The following KCNQ1 variants were observed in gnomAD, a reference collection of about 807,000 sequenced individuals.
The protein encoded by KCNQ1 is potassium voltage-gated channel subfamily KQT member 1.
Under a neutral mutation model 72.4 loss-of-function variants are expected in KCNQ1, and 49 were observed. The observed-to-expected ratio is 0.68, with a 90% CI of 0.54 to 0.86. The LOEUF (loss-of-function observed/expected upper bound fraction) is 0.86. Among genes scored for constraint, KCNQ1 ranks in the 40% least tolerant of loss-of-function variants. The pLI is 0.00. For missense variants in KCNQ1, 790 were observed against 945.1 expected, an observed-to-expected ratio of 0.84 and a Z score of 2.15; for synonymous variants, 450 against 412.6, an observed-to-expected ratio of 1.09 and a Z score of -1.10.
Position 2,592,554 on chromosome 11 carries a change from C to T in KCNQ1, c.1393+3700C>T, listed in dbSNP as rs1395945694. Among the ~76,000 whole-genome samples the T allele has an allele frequency of 6.6e-6, 1 of 152,206 alleles. No individual in the cohort carries two copies. The highest frequency in any genetic ancestry group is 1.5e-5 in the Non-Finnish European group (1 of 68,028). Reference sequence around the variant, plus strand: ...CAGCCACCCAGCCCGAGAGCCAGAGCACAGCAGGGGCTGGCCAGCCTAGCC... The same window carrying T: ...CAGCCACCCAGCCCGAGAGCCAGAGTACAGCAGGGGCTGGCCAGCCTAGCC... On this transcript the variant is annotated intron_variant, in intron 10 of 15. Coordinates refer to ENST00000155840, the MANE Select transcript of KCNQ1 (RefSeq NM_000218.3). This position sits in a 1 kb window ranked among gnomAD's most constrained non-coding sequence, Gnocchi z 5.2.
At chr11:2,637,532 C>A (rs1473159642) in intron 10 of KCNQ1, 1 of 152,174 alleles carries the variant, frequency 6.6e-6, no homozygotes, top group Non-Finnish European at 1.5e-5. Context: ...AGTTTGATTG[C>A]ACTGTGGTCT....
Position 2,830,687 on chromosome 11 carries a change from A to G in KCNQ1, c.1795-17080A>G, listed in dbSNP as rs1029902122. 6.6e-6 allele frequency among the ~76,000 whole-genome samples: 1 copy of G among 151,980 alleles called. No homozygotes were observed. Among genetic ancestry groups the G allele is most frequent in the African/African-American group, 2.4e-5 (1 of 41,404 alleles). ...CCACCCTTCCACTCACCTTCCGAGC[A>G]TTGTGGGCCTTCCCAGGAACCCCCA... On this transcript the variant is annotated intron_variant, in intron 15 of 15. Transcript: ENST00000155840. This position sits in a 1 kb window ranked among gnomAD's most constrained non-coding sequence, Gnocchi z 7.7.
intron 6 of KCNQ1, among the ~76,000 whole-genome samples, chr11:2,573,717 T>G (rs1006610693): frequency 2.0e-5 from 3 of 152,052 alleles, no homozygotes; most frequent in Admixed American, 6.6e-5. Flanking sequence ...GATCCCGCAC[T>G]GGAACACCGA....
intron 10 of KCNQ1, chr11:2,646,467 G>T: frequency 2.5e-6 from 1 of 398,564 alleles, no homozygotes; most frequent in Non-Finnish European, 4.4e-6. Flanking sequence ...AAATGGGATT[G>T]CTTTCTTCAT....
intron 11 of KCNQ1, among the ~76,000 whole-genome samples, chr11:2,754,118 C>T (rs755025582): frequency 5.3e-5 from 8 of 152,246 alleles, no homozygotes; most frequent in Non-Finnish European, 8.8e-5. Flanking sequence ...ATCAAAACCA[C>T]AGTGAGGTTT....
At chr11:2,837,063 C>T (rs1450373562) in intron 15 of KCNQ1, among the ~76,000 whole-genome samples, 1 of 152,156 alleles carries the variant, frequency 6.6e-6, no homozygotes. Context: ...GGCATGGCAG[C>T]CCTCTCCTGG....
intron 15 of KCNQ1, among the ~76,000 whole-genome samples, chr11:2,829,253 G>A (rs530548569): frequency 6.6e-6 from 1 of 152,230 alleles, no homozygotes; most frequent in Non-Finnish European, 1.5e-5. Context: ...TAGCATTACA[G>A]CTGCTCAGCA....
chr11:2,522,646 A>G (rs1375437869), intron 1 of KCNQ1, among the ~76,000 whole-genome samples: 4 of 152,274 alleles, frequency 2.6e-5, no homozygotes, highest in Non-Finnish European at 4.4e-5. Context: ...CTAGCACGGT[A>G]TATCAAAATA....
At chr11:2,728,232 G>A (rs1331551322) in intron 11 of KCNQ1, among the ~76,000 whole-genome samples, 1 of 152,124 alleles carries the variant, frequency 6.6e-6, no homozygotes, top group Non-Finnish European at 1.5e-5. Flanking sequence ...CTTCTGCCCT[G>A]ACTTCTCTGT....
chr11:2,456,302 C>G lies in KCNQ1; in HGVS notation c.386+10818C>G, dbSNP rs1029888915. Among the ~76,000 whole-genome samples, 5 of 112,298 alleles carry G rather than the reference C, an allele frequency of 4.5e-5. No homozygotes were observed. The South Asian group carries it at 8.0e-4, about 18-fold the overall frequency. The allele number at this position is 112,298 out of a possible 152,430, so 73.7% of individuals were successfully genotyped here. ...ACAAGAGCAAAACTCTATCTCAAAACAAAAAAAAAAAAATTAAAAAAGATT... is the reference window on the plus strand; with the variant it reads ...ACAAGAGCAAAACTCTATCTCAAAAGAAAAAAAAAAAAATTAAAAAAGATT... On this transcript the variant is annotated intron_variant, in intron 1 of 15. Transcript: ENST00000155840.
At position 2,745,847 on chromosome 11, in the gene KCNQ1, C is replaced by T. The variant is rs913864423; in HGVS notation, c.1515-22997C>T. Among the ~76,000 whole-genome samples the T allele has an allele frequency of 1.3e-5, 2 of 152,232 alleles. No individual in the cohort carries two copies. Among genetic ancestry groups the T allele is most frequent in the African/African-American group, 4.8e-5 (2 of 41,460 alleles). On this transcript the variant is annotated intron_variant, in intron 11 of 15. Coordinates refer to ENST00000155840, the MANE Select transcript of KCNQ1 (RefSeq NM_000218.3). This position sits in a 1 kb window ranked among gnomAD's most constrained non-coding sequence, Gnocchi z 6.2. ...AGGCGGCAGCAGCAAGGCAGCTCAT[C>T]CTCGGCTGCCTCTTCTCCCTCACTA...
At chr11:2,843,173 CTT>C in intron 15 of KCNQ1, among the ~76,000 whole-genome samples, 1 of 152,352 alleles carries the variant, frequency 6.6e-6, no homozygotes, top group Middle Eastern at 3.4e-3. Flanking sequence ...ACACGGTCGA[CTT>C]TTGTCCAAGA....
chr11:2,685,934 C>T (rs1850481575), intron 11 of KCNQ1: 1 of 398,782 alleles, frequency 2.5e-6, no homozygotes, highest in Non-Finnish European at 4.4e-6. Context: ...TGGGCCCACT[C>T]TCCCATCCTC....
chr11:2,810,515 T>G (rs1466897428), intron 15 of KCNQ1, among the ~76,000 whole-genome samples: 1 of 152,268 alleles, frequency 6.6e-6, no homozygotes, highest in East Asian at 1.9e-4. Context: ...TTAGCAGTCC[T>G]GTTTTTAATA....
rs1192573966 is a variant in KCNQ1, at chr11:2,766,255, T to C, written c.1515-2589T>C. Among the ~76,000 whole-genome samples the C allele has an allele frequency of 6.6e-6, 1 of 152,228 alleles. No homozygotes were observed. On this transcript the variant is annotated intron_variant, in intron 11 of 15. Coordinates refer to ENST00000155840, the MANE Select transcript of KCNQ1 (RefSeq NM_000218.3). This position sits in a 1 kb window ranked among gnomAD's most constrained non-coding sequence, Gnocchi z 4.4. Reference sequence around the variant, plus strand: ...AATCATCTGTTAGCTCACAAATCTATGGGTCAGCAATCTGGGCTGCCCAGT... The same window carrying C: ...AATCATCTGTTAGCTCACAAATCTACGGGTCAGCAATCTGGGCTGCCCAGT...
In KCNQ1 at chr11:2,676,642, T is replaced by C. The variant is rs1590025496; in HGVS notation, c.1514+14561T>C. On this transcript the variant is annotated intron_variant, in intron 11 of 15. Coordinates refer to ENST00000155840, the MANE Select transcript of KCNQ1 (RefSeq NM_000218.3). The surrounding 1 kb of genome is among the most constrained non-coding windows in gnomAD (Gnocchi z 4.2). ...ATGGGTAGCTTCACAGATTCACAGA[T>C]AGATAGTTCATTAAGGTCTTGAGTA... The C allele has an allele frequency of 5.0e-6, 2 of 398,644 alleles. No individual in the cohort carries two copies. The highest frequency in any genetic ancestry group is 8.8e-6 in the Non-Finnish European group (2 of 226,074). 24.7% of individuals were successfully genotyped at this position (398,644 alleles called of 1,614,324 possible).
At chr11:2,529,641 A>C (rs967546250) in intron 2 of KCNQ1, among the ~76,000 whole-genome samples, 1 of 151,932 alleles carries the variant, frequency 6.6e-6, no homozygotes, top group African/African-American at 2.4e-5. Flanking sequence ...GAAAGCTGTT[A>C]ATTTCTGCTA....
rs948014613 is a variant in KCNQ1 at position 2,801,053 on chromosome 11, T to A, written c.1794+23016T>A. 3.9e-5 allele frequency among the ~76,000 whole-genome samples: 6 copies of A among 152,102 alleles called. No homozygotes were observed. The South Asian group carries it at 1.2e-3, about 32-fold the overall frequency. On this transcript the variant is annotated intron_variant, in intron 15 of 15. Transcript: ENST00000155840. The stretch of plus-strand genomic sequence containing the variant: ...TGGTGACAGAAGCAATGGAGGTGGG[T>A]GCAGGGCTGGGGCAGGGCCAGGCAG...
At chr11:2,619,895 G>A in intron 10 of KCNQ1, 1 of 398,308 alleles carries the variant, frequency 2.5e-6, no homozygotes, top group Non-Finnish European at 4.4e-6. Context: ...ATATGTACAG[G>A]TCTATATGTT....
Sources: allele counts gnomAD v4.1 joint callset (sites outside exome capture counted in the v4.1 genomes callset), GRCh38; gene constraint gnomAD v4.1.1; non-coding constraint Gnocchi (gnomAD v3.1); transcripts MANE v1.5; gene names NCBI Gene and HGNC (gene_info 2026-07-23, HGNC 2026-07-21).